AUNIP: variants seen among roughly 807,000 people sequenced by gnomAD.
AUNIP encodes the protein aurora kinase A and ninein interacting protein.
A neutral mutation model predicts 12.2 loss-of-function variants in AUNIP; 16 were observed. That is an observed-to-expected ratio of 1.31 (90% CI 0.88 to 1.99). The LOEUF is 1.99. Ranked by LOEUF, AUNIP falls within the 30% of genes most tolerant of loss-of-function variation. The pLI is 0.00. For synonymous variants in AUNIP, 142 were observed against 154.8 expected (o/e 0.92, Z 0.61); for missense variants, 411 against 419.1 (o/e 0.98, Z 0.17).
At chr1:25,857,460 G>C (rs1180426181) in intron 1 of AUNIP, among the ~76,000 whole-genome samples, 1 of 150,892 alleles carries the variant, frequency 6.6e-6, no homozygotes, top group Non-Finnish European at 1.5e-5. Flanking sequence ...TGTTGGCCAG[G>C]CCGGTCTCGA....
At chr1:25,854,453 T>C (rs2048444841) in intron 1 of AUNIP, among the ~76,000 whole-genome samples, 1 of 152,210 alleles carries the variant, frequency 6.6e-6, no homozygotes, top group Non-Finnish European at 1.5e-5. Flanking sequence ...TCAAGGATAC[T>C]AGCATCTAAA....
chr1:25,834,873 G>T lies in AUNIP; in HGVS notation c.*120C>A. ...TTACACAGAGAAGATGCTCAGTAATGACAACTTCATCCCATGCCACCTTCC... is the reference window on the plus strand; with the variant it reads ...TTACACAGAGAAGATGCTCAGTAATTACAACTTCATCCCATGCCACCTTCC... On this transcript the variant is annotated 3_prime_UTR_variant, in exon 3 of 3. Coordinates refer to ENST00000374298, the MANE Select transcript of AUNIP (RefSeq NM_024037.3). 2 of 1,508,528 alleles carry T rather than the reference G, an allele frequency of 1.3e-6. No homozygotes were observed. The highest frequency in any genetic ancestry group is 1.8e-6 in the Non-Finnish European group (2 of 1,136,358). 93.4% of individuals were successfully genotyped at this position (1,508,528 alleles called of 1,614,324 possible).
At position 25,835,600 on chromosome 1, in the gene AUNIP, AG is replaced by A. The variant is rs1557449188; in HGVS notation, c.466del (p.Leu156SerfsTer30). The A allele has an allele frequency of 2.5e-6, 4 of 1,614,246 alleles. No individual in the cohort carries two copies. Among genetic ancestry groups the A allele is most frequent in the Non-Finnish European group, 3.4e-6 (4 of 1,180,052 alleles). On this transcript the variant is annotated frameshift_variant, in exon 3 of 3. Coordinates refer to ENST00000374298, the MANE Select transcript of AUNIP (RefSeq NM_024037.3). LOFTEE classifies it low-confidence loss of function (END_TRUNC). ...AGCACAGTCTGGAGTATCAGGCTGGAGCAAAGATAGCTCAGTTGAAAATGGG... is the reference window on the plus strand; with the variant it reads ...AGCACAGTCTGGAGTATCAGGCTGGACAAAGATAGCTCAGTTGAAAATGGG... The part of the protein sequence containing the change: ...KTPFSTELSL[L>X]QPDTPDCAGD...
chr1:25,839,766 C>T (rs1280349947), intron 1 of AUNIP, among the ~76,000 whole-genome samples: 1 of 152,082 alleles, frequency 6.6e-6, no homozygotes, highest in Non-Finnish European at 1.5e-5. Context: ...CGGGTTCAAG[C>T]GATTCTCCTA....
At chr1:25,837,754 T>C (rs563367523) in intron 1 of AUNIP, among the ~76,000 whole-genome samples, 200 bp from the exon 2 acceptor site, 3 of 152,324 alleles carry the variant, frequency 2.0e-5, no homozygotes, top group African/African-American at 7.2e-5. Flanking sequence ...AGGAATCACA[T>C]ATTCCAATGA....
chr1:25,859,065 C>G (rs2048485607), intron 1 of AUNIP, among the ~76,000 whole-genome samples: 1 of 152,108 alleles, frequency 6.6e-6, no homozygotes, highest in South Asian at 2.1e-4. Flanking sequence ...CCCCCAACAG[C>G]ACGCTCTTTC....
Position 25,835,780 on chromosome 1 carries a change from G to C in AUNIP, c.287C>G (p.Ser96Cys). ...SHTESQINKE[S>C]KKNATQLDHL... The stretch of plus-strand genomic sequence containing the variant: ...GTCTAGCTGGGTCGCATTTTTCTTG[G>C]ACTCTTTGTTGATCTGACTTTCTGT... The change falls in exon 3 of 3, where the codon TCC becomes TGC. Residue 96 changes from serine to cysteine, a missense_variant. By Grantham distance (112) the Ser-to-Cys change is moderately radical. Transcript: ENST00000374298. 6.2e-7 allele frequency: 1 copy of C among 1,614,164 alleles called. No homozygotes were observed. The highest frequency in any genetic ancestry group is 8.5e-7 in the Non-Finnish European group (1 of 1,180,018).
At position 25,847,902 on chromosome 1, in the gene AUNIP, G is replaced by A. The variant is rs995366259; in HGVS notation, c.79-10348C>T. 1.3e-5 allele frequency among the ~76,000 whole-genome samples: 2 copies of A among 152,066 alleles called. No individual in the cohort carries two copies. The highest frequency in any genetic ancestry group is 4.8e-5 in the African/African-American group (2 of 41,398). On this transcript the variant is annotated intron_variant, in intron 1 of 2. Coordinates refer to ENST00000374298, the MANE Select transcript of AUNIP (RefSeq NM_024037.3). The surrounding 1 kb of genome is among the most constrained non-coding windows in gnomAD (Gnocchi z 4.2). ...AGAGGTTGCAGTGAGCCAAGATCACGCCACCGCACTCTAGCCTGGGTGACA... is the reference window on the plus strand; with the variant it reads ...AGAGGTTGCAGTGAGCCAAGATCACACCACCGCACTCTAGCCTGGGTGACA...
intron 1 of AUNIP, among the ~76,000 whole-genome samples, chr1:25,857,441 G>GT (rs1212299171): frequency 2.0e-5 from 3 of 150,812 alleles, no homozygotes; most frequent in Non-Finnish European, 4.4e-5. Flanking sequence ...GAGAGACGGG[G>GT]TTTCACCATG....
chr1:25,835,727 AAT>A lies in AUNIP; in HGVS notation c.338_339del (p.Asp113ValfsTer39). ...GAAGTGGCTAAAGGGGATGCCATGC[AAT>A]CGTGTGCTAAGCCTGGGATCAAATG... is the stretch of plus-strand genomic sequence containing the variant. ...LDHLIPGLAHDCMASPLATST... is the reference protein window; with the variant it reads ...LDHLIPGLAHXCMASPLATST... On this transcript the variant is annotated frameshift_variant, in exon 3 of 3. Coordinates refer to ENST00000374298, the MANE Select transcript of AUNIP (RefSeq NM_024037.3). LOFTEE classifies it low-confidence loss of function (END_TRUNC). 1.2e-6 allele frequency: 2 copies of A among 1,614,238 alleles called. No homozygotes were observed. Among genetic ancestry groups the A allele is most frequent in the Non-Finnish European group, 1.7e-6 (2 of 1,180,044 alleles).
intron 1 of AUNIP, among the ~76,000 whole-genome samples, chr1:25,854,953 CTTTTTTTTTTTT>C (rs1159770557): frequency 8.3e-6 from 1 of 121,098 alleles, no homozygotes; most frequent in Non-Finnish European, 1.7e-5. Context: ...AGAATTCTTT[CTTTTTTTTTTTT>C]TTTTTTTTTG....
downstream of AUNIP, chr1:25,833,941 T>C (rs1193934242): frequency 1.2e-6 from 1 of 814,608 alleles, no homozygotes; most frequent in Admixed American, 6.3e-5. Flanking sequence ...CAGCATATAC[T>C]ATTACAGTGT....
intron 1 of AUNIP, among the ~76,000 whole-genome samples, chr1:25,837,844 GCT>G (rs2048315750): frequency 1.3e-5 from 2 of 152,208 alleles, no homozygotes; most frequent in East Asian, 3.8e-4. Flanking sequence ...CAGAGATGAT[GCT>G]CTTTTATATT....
At chr1:25,844,176 G>A (rs896693959) in intron 1 of AUNIP, among the ~76,000 whole-genome samples, 33 of 152,034 alleles carry the variant, frequency 2.2e-4, no homozygotes, top group African/African-American at 7.7e-4. Context: ...GCGCAATCTC[G>A]GCTCACTGCA....
At chr1:25,844,653 G>A (rs2048370301) in intron 1 of AUNIP, among the ~76,000 whole-genome samples, 1 of 149,818 alleles carries the variant, frequency 6.7e-6, no homozygotes, top group Admixed American at 6.6e-5. Flanking sequence ...ATAATTTGAT[G>A]TAACTTCCTT....
At chr1:25,859,246 G>A in intron 1 of AUNIP, 34 bp downstream of exon 1, 5 of 1,556,540 alleles carry the variant, frequency 3.2e-6, no homozygotes, top group Non-Finnish European at 4.3e-6. Flanking sequence ...GCCCTACCTG[G>A]TTCCCAACGC....
chr1:25,852,885 C>T (rs925830228), intron 1 of AUNIP, among the ~76,000 whole-genome samples: 18 of 152,086 alleles, frequency 1.2e-4, no homozygotes, highest in Non-Finnish European at 2.4e-4. Context: ...TTGATTTCTT[C>T]TTTGACTCTT....
intron 1 of AUNIP, among the ~76,000 whole-genome samples, chr1:25,840,762 T>C (rs1435577395): frequency 1.3e-5 from 2 of 152,170 alleles, no homozygotes; most frequent in African/African-American, 4.8e-5. Context: ...CTCAATACAT[T>C]TGAGGATACC....
At chr1:25,856,591 C>G (rs956848214) in intron 1 of AUNIP, among the ~76,000 whole-genome samples, 7 of 152,036 alleles carry the variant, frequency 4.6e-5, no homozygotes, top group African/African-American at 1.7e-4. Context: ...AGGGGAACTG[C>G]TTGAACCCAG....
Sources: gnomAD v4.1 joint callset for allele counts (sites outside exome capture counted in the v4.1 genomes callset) on GRCh38, gnomAD v4.1.1 for gene constraint, Gnocchi (gnomAD v3.1) non-coding constraint, MANE v1.5 for transcripts, NCBI Gene and HGNC (gene_info 2026-07-23, HGNC 2026-07-21) for gene names.